The following HLCS variants were observed in gnomAD, a reference collection of about 807,000 sequenced individuals.
HLCS encodes biotin--protein ligase.
HLCS carries 53 observed loss-of-function variants against 75.0 expected under a neutral mutation model. The observed-to-expected ratio is 0.71, with a 90% CI of 0.57 to 0.89. The LOEUF (loss-of-function observed/expected upper bound fraction) is 0.89, where lower values mean the gene tolerates loss of function less well. HLCS is among the 40% of genes least tolerant of loss of function. HLCS has a pLI of 0.00. For missense variants in HLCS, 966 were observed against 1,074.0 expected (o/e 0.90, Z 1.41); for synonymous variants, 431 against 428.6 (o/e 1.01, Z -0.07).
chr21:36,826,768 G>C (rs1271180157), intron 6 of HLCS, among the ~76,000 whole-genome samples: 1 of 152,212 alleles, frequency 6.6e-6, no homozygotes, highest in Non-Finnish European at 1.5e-5. Flanking sequence ...TACAAATGAG[G>C]AAGCTTGTCC....
At chr21:36,772,326 T>C (rs550712857) in intron 6 of HLCS, among the ~76,000 whole-genome samples, 1 of 152,180 alleles carries the variant, frequency 6.6e-6, no homozygotes, top group East Asian at 1.9e-4. Flanking sequence ...TCTCTTTATA[T>C]ACGATATGTA....
At chr21:36,966,918 G>C (rs1470513173), upstream of HLCS, among the ~76,000 whole-genome samples, 11 of 151,730 alleles carry the variant, frequency 7.2e-5, no homozygotes, top group Admixed American at 2.0e-4. Flanking sequence ...GGGGCGGGGG[G>C]TGTGCACCGG....
chr21:36,792,382 A>G (rs1439983565), intron 6 of HLCS, among the ~76,000 whole-genome samples: 1 of 151,478 alleles, frequency 6.6e-6, no homozygotes, highest in Non-Finnish European at 1.5e-5. Context: ...TGAAATCCCT[A>G]ACATTCAACC....
At chr21:36,931,704 G>A (rs986432338) in intron 4 of HLCS, among the ~76,000 whole-genome samples, 3 of 151,394 alleles carry the variant, frequency 2.0e-5, no homozygotes, top group Admixed American at 6.6e-5. Context: ...AGCCATGATC[G>A]TGCCACTGCA....
rs766132675 is a variant in HLCS, at chr21:36,886,639, T to C, written c.1892+10221A>G. ...TAAAATGATACTCAACTGCAATGGATTGAATGTTTGTGTTCCCTCCCCAAC... is the reference window on the plus strand; with the variant it reads ...TAAAATGATACTCAACTGCAATGGACTGAATGTTTGTGTTCCCTCCCCAAC... On this transcript the variant is annotated intron_variant, in intron 6 of 10. Transcript: ENST00000674895. Among the ~76,000 whole-genome samples, 30 of 152,068 alleles carry C rather than the reference T, an allele frequency of 2.0e-4. 1 individual carries two copies. The highest frequency in any genetic ancestry group is 1.2e-3 in the Admixed American group (18 of 15,264).
intron 7 of HLCS, among the ~76,000 whole-genome samples, chr21:36,766,649 G>A (rs2090046304): frequency 6.6e-6 from 1 of 152,166 alleles, no homozygotes; most frequent in Non-Finnish European, 1.5e-5. Context: ...AGCAGCCCCT[G>A]TACAGGGTCA....
At chr21:36,918,909 C>T (rs2066044191) in intron 5 of HLCS, among the ~76,000 whole-genome samples, 2 of 152,214 alleles carry the variant, frequency 1.3e-5, no homozygotes, top group Admixed American at 6.5e-5. Context: ...GCTTATTATA[C>T]ACAATGCACA....
intron 6 of HLCS, among the ~76,000 whole-genome samples, chr21:36,772,958 T>C (rs1039991809): frequency 5.2e-5 from 7 of 134,194 alleles, no homozygotes; most frequent in Non-Finnish European, 4.6e-5. Context: ...TCCAGCCAGG[T>C]GACAGAACAA....
At chr21:36,886,518 C>T (rs890432245) in intron 6 of HLCS, among the ~76,000 whole-genome samples, 5 of 151,842 alleles carry the variant, frequency 3.3e-5, no homozygotes, top group African/African-American at 1.2e-4. Flanking sequence ...GCAGCTTGCC[C>T]TACCCTGAAG....
At chr21:36,880,567 G>A (rs186708973) in intron 6 of HLCS, among the ~76,000 whole-genome samples, 4 of 152,048 alleles carry the variant, frequency 2.6e-5, no homozygotes, top group African/African-American at 7.2e-5. Flanking sequence ...GGTTGTTTCC[G>A]GAAGTGGAAA....
intron 6 of HLCS, among the ~76,000 whole-genome samples, chr21:36,811,189 T>G (rs2061499439): frequency 6.6e-6 from 1 of 152,234 alleles, no homozygotes; most frequent in African/African-American, 2.4e-5. Flanking sequence ...GTATCTCTCA[T>G]TTATTGGACT....
chr21:36,938,114 T>C (rs1272720413), intron 3 of HLCS, among the ~76,000 whole-genome samples: 4 of 152,238 alleles, frequency 2.6e-5, no homozygotes, highest in Non-Finnish European at 5.9e-5. Flanking sequence ...AAAAACGATT[T>C]GTCCCAAGAA....
At chr21:36,756,402 G>C in intron 10 of HLCS, 140 bp downstream of exon 10, 2 of 656,088 alleles carry the variant, frequency 3.0e-6, no homozygotes, top group Non-Finnish European at 4.9e-6. Flanking sequence ...AGTGAGCCAA[G>C]ATCGTGCCAC....
At chr21:36,880,382 AC>A (rs1373988928) in intron 6 of HLCS, among the ~76,000 whole-genome samples, 5 of 152,170 alleles carry the variant, frequency 3.3e-5, no homozygotes, top group African/African-American at 1.2e-4. Flanking sequence ...GAGCTAAAAA[AC>A]AAAACAAAAC....
In HLCS at chr21:36,754,374, A is replaced by G. The variant is rs1568956511; in HGVS notation, c.2494T>C (p.Ser832Pro). The change falls in exon 11 of 11, where the codon TCC (serine) becomes CCC (proline). Residue 832 changes from serine (S) to proline (P), a missense_variant. Physicochemically the swap from Ser to Pro is moderately conservative, Grantham distance 74. Transcript: ENST00000674895. ...HLGSAEGPKV[S>P]IVGLDDSGFL... ...CCAGAATCGTCCAGGCCAACGATGG[A>G]CACCTTTGGTCCCTCTGCGCTGCCC... 2 of 1,613,924 alleles carry G rather than the reference A, an allele frequency of 1.2e-6. No homozygotes were observed. The highest frequency in any genetic ancestry group is 2.2e-5 in the East Asian group (1 of 44,872).
chr21:36,817,433 C>T (rs1037323635), intron 6 of HLCS, among the ~76,000 whole-genome samples: 5 of 152,206 alleles, frequency 3.3e-5, no homozygotes, highest in South Asian at 2.1e-4. Flanking sequence ...AGTTCTCCAA[C>T]ATTTGTCTGA....
chr21:36,931,153 T>C (rs1022944811), intron 4 of HLCS, among the ~76,000 whole-genome samples: 2 of 151,690 alleles, frequency 1.3e-5, no homozygotes, highest in East Asian at 3.9e-4. Context: ...CGTGGTTGCA[T>C]GAGCCTGTAA....
chr21:36,977,221 T>C (rs763815452), intron 1 of HLCS, among the ~76,000 whole-genome samples: 43 of 152,050 alleles, frequency 2.8e-4, no homozygotes, highest in Non-Finnish European at 5.9e-4. Flanking sequence ...GTCCTTTATA[T>C]TTCAGGCATG....
chr21:36,910,505 C>T (rs953443789), intron 5 of HLCS, among the ~76,000 whole-genome samples: 5 of 151,434 alleles, frequency 3.3e-5, no homozygotes, highest in Non-Finnish European at 7.4e-5. Flanking sequence ...GAGATCGCGC[C>T]ACTGCACTCC....
Sources: gnomAD v4.1 joint callset for allele counts (sites outside exome capture counted in the v4.1 genomes callset) on GRCh38, gnomAD v4.1.1 for gene constraint, MANE v1.5 for transcripts, NCBI Gene and HGNC (gene_info 2026-07-23, HGNC 2026-07-21) for gene names.